The following RBFOX1 variants were observed in gnomAD, a reference collection of about 807,000 sequenced individuals.
RBFOX1 encodes the protein RNA binding protein fox-1 homolog 1.
A neutral mutation model predicts 57.7 loss-of-function variants in RBFOX1; 8 were observed. The ratio of observed to expected loss-of-function variants is 0.14; its 90% CI spans 0.08 to 0.25. The LOEUF (loss-of-function observed/expected upper bound fraction) is 0.25, where lower values mean the gene tolerates loss of function less well. RBFOX1 is among the 10% of genes least tolerant of loss of function. The pLI, the probability that RBFOX1 is intolerant of heterozygous loss-of-function variation, is 1.00. For synonymous variants in RBFOX1, 326 were observed against 222.4 expected, an observed-to-expected ratio of 1.47 and a Z score of -4.15; for missense variants, 611 against 548.5, an observed-to-expected ratio of 1.11 and a Z score of -1.14.
At chr16:6,385,450 C>A (rs2092190431) in intron 2 of RBFOX1, among the ~76,000 whole-genome samples, 1 of 152,196 alleles carries the variant, frequency 6.6e-6, no homozygotes. Context: ...ATCTCCTCCT[C>A]CCAGGATCAA....
In RBFOX1 at chr16:6,787,103, G is replaced by A. The variant is rs183251869; in HGVS notation, c.-16+132453G>A. Among the ~76,000 whole-genome samples, 7 of 152,204 alleles carry A rather than the reference G, an allele frequency of 4.6e-5. No homozygotes were observed. The East Asian group carries it at 9.7e-4, about 21-fold the overall frequency. On this transcript the variant is annotated intron_variant, in intron 3 of 15. Coordinates refer to ENST00000550418, the MANE Select transcript of RBFOX1 (RefSeq NM_018723.4). Reference sequence around the variant, plus strand: ...ATCCCTCATAGATTGTACCTTCACCGAAATGCAATGATTTCCTGCCCCAAT... The same window carrying A: ...ATCCCTCATAGATTGTACCTTCACCAAAATGCAATGATTTCCTGCCCCAAT...
chr16:5,535,075 A>G (rs534329075), intron 2 of RBFOX1, among the ~76,000 whole-genome samples: 4 of 152,324 alleles, frequency 2.6e-5, no homozygotes, highest in Admixed American at 6.5e-5. Flanking sequence ...GAGAGATAAA[A>G]AATGTTATAG....
At chr16:7,134,322 CTAAG>C (rs1359263783) in intron 4 of RBFOX1, among the ~76,000 whole-genome samples, 2 of 152,226 alleles carry the variant, frequency 1.3e-5, no homozygotes, top group Admixed American at 6.5e-5. Context: ...AGAAAGTAGA[CTAAG>C]TGATGATACT....
chr16:6,844,059 G>C (rs1301436006), intron 3 of RBFOX1, among the ~76,000 whole-genome samples: 2 of 151,438 alleles, frequency 1.3e-5, no homozygotes, highest in Non-Finnish European at 2.9e-5. Context: ...CTCTTTCTCT[G>C]TCTCTCTCTC....
chr16:7,299,415 G>C (rs1422483475), intron 4 of RBFOX1, among the ~76,000 whole-genome samples: 1 of 152,116 alleles, frequency 6.6e-6, no homozygotes, highest in East Asian at 1.9e-4. Context: ...TGGACTCACT[G>C]ACAACCCACA....
chr16:5,696,730 T>C (rs947128638), intron 3 of RBFOX1, among the ~76,000 whole-genome samples: 1 of 152,324 alleles, frequency 6.6e-6, no homozygotes, highest in East Asian at 1.9e-4. Context: ...TCTTATGATA[T>C]TGCCTTCCCA....
intron 3 of RBFOX1, among the ~76,000 whole-genome samples, chr16:6,755,190 C>T (rs1322746555): frequency 6.6e-6 from 1 of 152,166 alleles, no homozygotes; most frequent in South Asian, 2.1e-4. Context: ...TTTATAGCAG[C>T]ATGATTTATA....
chr16:6,560,955 G>A (rs1190604700), intron 2 of RBFOX1, among the ~76,000 whole-genome samples: 1 of 152,184 alleles, frequency 6.6e-6, no homozygotes, highest in Non-Finnish European at 1.5e-5. Context: ...AGAGGCATGT[G>A]CTGTAGATAG....
intron 12 of RBFOX1, among the ~76,000 whole-genome samples, chr16:7,663,112 G>C (rs1426245584): frequency 1.3e-5 from 2 of 152,192 alleles, no homozygotes; most frequent in Admixed American, 1.3e-4. Context: ...CTGTGGTTTG[G>C]GACCCAAACT....
At chr16:5,438,238 C>A (rs1251924043) in intron 1 of RBFOX1, among the ~76,000 whole-genome samples, 1 of 152,166 alleles carries the variant, frequency 6.6e-6, no homozygotes, top group East Asian at 1.9e-4. Flanking sequence ...TTGTGATCAC[C>A]CTCACTCCCA....
intron 1 of RBFOX1, among the ~76,000 whole-genome samples, chr16:5,333,807 A>G (rs2064827184): frequency 6.6e-6 from 1 of 152,218 alleles, no homozygotes; most frequent in South Asian, 2.1e-4. Context: ...TGAATCTGGT[A>G]GGCATTTGTA....
chr16:5,720,820 C>T (rs1304420870), intron 3 of RBFOX1, among the ~76,000 whole-genome samples: 4 of 152,190 alleles, frequency 2.6e-5, no homozygotes, highest in Non-Finnish European at 5.9e-5. Context: ...ACCATACTAT[C>T]TTCATCACTG....
intron 3 of RBFOX1, among the ~76,000 whole-genome samples, chr16:6,931,768 C>G (rs1000824341): frequency 2.6e-5 from 4 of 152,280 alleles, no homozygotes; most frequent in South Asian, 2.1e-4. Context: ...TTCCTGTGGT[C>G]TGCCACAAAC....
chr16:5,872,089 G>T (rs550727201), intron 4 of RBFOX1, among the ~76,000 whole-genome samples: 2 of 152,134 alleles, frequency 1.3e-5, no homozygotes, highest in Non-Finnish European at 2.9e-5. Context: ...TAAATTGGGG[G>T]TTGCAGAGCC....
chr16:6,117,390 G>T (rs374420782), intron 1 of RBFOX1, among the ~76,000 whole-genome samples: 2 of 152,204 alleles, frequency 1.3e-5, no homozygotes, highest in Admixed American at 1.3e-4. Flanking sequence ...TAACAATTAT[G>T]TTCACCATAC....
intron 3 of RBFOX1, among the ~76,000 whole-genome samples, chr16:6,898,685 T>C (rs1402826718): frequency 6.6e-6 from 1 of 152,156 alleles, no homozygotes; most frequent in Non-Finnish European, 1.5e-5. Context: ...TGTACATGTG[T>C]ATATACGTGT....
intron 3 of RBFOX1, among the ~76,000 whole-genome samples, chr16:7,007,665 C>T (rs1444538249): frequency 1.3e-5 from 2 of 152,118 alleles, no homozygotes; most frequent in Non-Finnish European, 2.9e-5. Flanking sequence ...TTTGGAAGCT[C>T]TTCTCTTTAA....
intron 10 of RBFOX1, among the ~76,000 whole-genome samples, chr16:7,612,476 T>G (rs1456515174): frequency 6.6e-6 from 1 of 151,808 alleles, no homozygotes; most frequent in Non-Finnish European, 1.5e-5. Context: ...TCAGAATATC[T>G]CTACCCAGTA....
Position 6,404,027 on chromosome 16 carries a change from A to G in RBFOX1, c.-64+86970A>G, listed in dbSNP as rs1046706647. Among the ~76,000 whole-genome samples, 7 of 152,240 alleles carry G rather than the reference A, an allele frequency of 4.6e-5. No homozygotes were observed. The South Asian group carries it at 1.2e-3, about 27-fold the overall frequency. On this transcript the variant is annotated intron_variant, in intron 2 of 15. Coordinates refer to ENST00000550418, the MANE Select transcript of RBFOX1 (RefSeq NM_018723.4). ...CAAACTTCCAGCCTCCAGAAATCTG[A>G]GAGTGTAAATTTATGTTGTTTAACT...
Sources: allele counts gnomAD v4.1 joint callset (sites outside exome capture counted in the v4.1 genomes callset), GRCh38; gene constraint gnomAD v4.1.1; transcripts MANE v1.5; gene names NCBI Gene and HGNC (gene_info 2026-07-23, HGNC 2026-07-21).